Variants in MCPH1 observed in about 807,000 individuals in gnomAD.
MCPH1 encodes the protein microcephalin.
In MCPH1, 104 loss-of-function variants were observed where a neutral mutation model predicts 84.5. That is an observed-to-expected ratio of 1.23 (90% CI 1.05 to 1.45). The LOEUF (loss-of-function observed/expected upper bound fraction) is 1.45. MCPH1 is among the 40% of genes most tolerant of loss of function. The pLI is 0.00. For synonymous variants in MCPH1, 514 were observed against 366.8 expected (o/e 1.40, Z -4.58); for missense variants, 1,498 against 1,005.7 (o/e 1.49, Z -6.62).
rs74937831 is a variant in MCPH1 at position 6,590,122 on chromosome 8, G to C, written c.2215-31332G>C. 1.1e-3 allele frequency among the ~76,000 whole-genome samples: 168 copies of C among 151,786 alleles called. 1 individual carries two copies. The East Asian group carries it at 0.026, about 24-fold the overall frequency. On this transcript the variant is annotated intron_variant, in intron 12 of 13. Transcript: ENST00000344683. Reference sequence around the variant, plus strand: ...ACATTTGGTGCCGGAAGAATGATTAGGTAAAGCACACCAAGCTGAAAAAAG... The same window carrying C: ...ACATTTGGTGCCGGAAGAATGATTACGTAAAGCACACCAAGCTGAAAAAAG...
At chr8:6,533,066 G>A (rs1819827315) in intron 12 of MCPH1, among the ~76,000 whole-genome samples, 1 of 152,192 alleles carries the variant, frequency 6.6e-6, no homozygotes, top group South Asian at 2.1e-4. Context: ...CCTCCGTATT[G>A]AGTTAATTCG....
At chr8:6,416,173 C>G (rs73516707) in intron 3 of MCPH1, among the ~76,000 whole-genome samples, 7,295 of 152,180 alleles carry the variant, frequency 0.048, 382 homozygotes, top group African/African-American at 0.14. Flanking sequence ...TTTATTAGTT[C>G]TAAATATATT....
intron 4 of MCPH1, among the ~76,000 whole-genome samples, chr8:6,434,074 C>T (rs1406614556): frequency 1.3e-5 from 2 of 152,186 alleles, no homozygotes; most frequent in Non-Finnish European, 2.9e-5. Flanking sequence ...TCCTGCCACC[C>T]GTTTATACCA....
intron 3 of MCPH1, among the ~76,000 whole-genome samples, chr8:6,427,941 C>T (rs769048330): frequency 3.9e-5 from 6 of 151,974 alleles, no homozygotes; most frequent in Non-Finnish European, 7.4e-5. Context: ...TACAGGCACG[C>T]ACCACCACGC....
intron 12 of MCPH1, among the ~76,000 whole-genome samples, chr8:6,605,430 G>A (rs577648094): frequency 6.6e-6 from 1 of 152,160 alleles, no homozygotes; most frequent in Non-Finnish European, 1.5e-5. Flanking sequence ...AAAGTGTTAT[G>A]CGATGGGAGT....
At chr8:6,550,388 A>C (rs919483447) in intron 12 of MCPH1, among the ~76,000 whole-genome samples, 1 of 152,212 alleles carries the variant, frequency 6.6e-6, no homozygotes, top group Non-Finnish European at 1.5e-5. Flanking sequence ...CTGCACCCAG[A>C]CACGTGCGGT....
chr8:6,547,098 T>C (rs1822736674), intron 12 of MCPH1, among the ~76,000 whole-genome samples: 1 of 151,900 alleles, frequency 6.6e-6, no homozygotes, highest in African/African-American at 2.4e-5. Context: ...GAAGTGTAGA[T>C]AGGTGCCAGT....
chr8:6,544,098 G>A (rs1822103495), intron 12 of MCPH1, among the ~76,000 whole-genome samples: 1 of 152,224 alleles, frequency 6.6e-6, no homozygotes, highest in South Asian at 2.1e-4. Flanking sequence ...ACAGAGAATA[G>A]TATAACTTTT....
In MCPH1 at chr8:6,646,875, G is replaced by A. The variant is rs1269653883; in HGVS notation, c.*3826G>A. The A allele has an allele frequency of 6.6e-6, 1 of 152,068 alleles. No individual in the cohort carries two copies. The highest frequency in any genetic ancestry group is 1.5e-5 in the Non-Finnish European group (1 of 68,026). The allele number at this position is 152,068 out of a possible 1,614,324, so 9.4% of individuals were successfully genotyped here. On this transcript the variant is annotated 3_prime_UTR_variant, in exon 14 of 14. Coordinates refer to ENST00000344683, the MANE Select transcript of MCPH1 (RefSeq NM_024596.5). ...AAATGTACAGAAGAAAGCATAGCAG[G>A]AAATCATTCTGACCTCAGGTTAGGC... is the stretch of plus-strand genomic sequence containing the variant.
At chr8:6,408,938 T>G (rs980969466) in intron 1 of MCPH1, among the ~76,000 whole-genome samples, 16 of 151,148 alleles carry the variant, frequency 1.1e-4, no homozygotes, top group African/African-American at 2.7e-4. Flanking sequence ...CAGGCTGGAG[T>G]GCAATGGCGC....
At chr8:6,438,114 TA>T (rs1168923884) in intron 5 of MCPH1, among the ~76,000 whole-genome samples, 1 of 152,264 alleles carries the variant, frequency 6.6e-6, no homozygotes, top group African/African-American at 2.4e-5. Context: ...CACTCTCCTA[TA>T]ATTCTTTATA....
chr8:6,444,589 G>A lies in MCPH1; in HGVS notation c.867G>A (p.Gln289=), dbSNP rs201231900. 6.8e-5 allele frequency: 110 copies of A among 1,614,144 alleles called. No individual in the cohort carries two copies. In the African/African-American group the frequency reaches 1.3e-3, roughly 20 times the overall value. The change falls in exon 8 of 14, where the codon CAG becomes CAA. Residue 289 remains glutamine, a synonymous_variant. Coordinates refer to ENST00000344683, the MANE Select transcript of MCPH1 (RefSeq NM_024596.5). ...CTCACCTCGATAAATCAAGTCCTCA[G>A]AAATTTCTGAGTAATCTTTCAAAGG... The part of the protein sequence containing the change: ...SFTHLDKSSP[Q]KFLSNLSKEE...
chr8:6,483,008 C>G (rs1289938573), intron 11 of MCPH1, among the ~76,000 whole-genome samples: 1 of 152,156 alleles, frequency 6.6e-6, no homozygotes, highest in Non-Finnish European at 1.5e-5. Context: ...ACACAATTTT[C>G]TATGTAGACA....
chr8:6,473,451 C>T (rs1035522048), intron 9 of MCPH1, among the ~76,000 whole-genome samples: 2 of 151,406 alleles, frequency 1.3e-5, no homozygotes, highest in African/African-American at 4.8e-5. Context: ...CCTGCCTCGG[C>T]CTCCCAAGTA....
At chr8:6,575,399 C>T (rs1033163183) in intron 12 of MCPH1, among the ~76,000 whole-genome samples, 1 of 152,160 alleles carries the variant, frequency 6.6e-6, no homozygotes, top group Non-Finnish European at 1.5e-5. Flanking sequence ...TTCTGCAGAT[C>T]ATGGCATGTT....
chr8:6,622,822 C>G (rs1406399151), intron 13 of MCPH1, among the ~76,000 whole-genome samples: 3 of 151,992 alleles, frequency 2.0e-5, no homozygotes, highest in Non-Finnish European at 4.4e-5. Flanking sequence ...AGGGCTCACC[C>G]AATGGCATAC....
chr8:6,425,061 A>T (rs1452913332), intron 3 of MCPH1, among the ~76,000 whole-genome samples: 4 of 152,216 alleles, frequency 2.6e-5, no homozygotes, highest in Non-Finnish European at 5.9e-5. Context: ...GCCCAGGTGA[A>T]GGCATCGTCC....
At chr8:6,509,875 T>A (rs994431466) in intron 12 of MCPH1, among the ~76,000 whole-genome samples, 4 of 152,214 alleles carry the variant, frequency 2.6e-5, no homozygotes, top group Non-Finnish European at 5.9e-5. Flanking sequence ...TTGTTCACCC[T>A]GGGGATCACA....
At chr8:6,624,260 G>A (rs1586850954) in intron 13 of MCPH1, among the ~76,000 whole-genome samples, 1 of 152,234 alleles carries the variant, frequency 6.6e-6, no homozygotes, top group Non-Finnish European at 1.5e-5. Context: ...CTTTCCTCCT[G>A]TAACTTGTGT....
Sources: allele counts gnomAD v4.1 joint callset (sites outside exome capture counted in the v4.1 genomes callset), GRCh38; gene constraint gnomAD v4.1.1; transcripts MANE v1.5; gene names NCBI Gene and HGNC (gene_info 2026-07-23, HGNC 2026-07-21).